The following YES1 variants were observed in gnomAD, a reference collection of about 807,000 sequenced individuals.
YES1 encodes YES proto-oncogene 1, Src family tyrosine kinase.
YES1 carries 39 observed loss-of-function variants against 70.4 expected under a neutral mutation model. The ratio of observed to expected loss-of-function variants is 0.55; its 90% CI spans 0.43 to 0.72. YES1 has a LOEUF of 0.72. Among genes scored for constraint, YES1 ranks in the 30% least tolerant of loss-of-function variants. YES1 has a pLI of 0.00. For synonymous variants in YES1, 198 were observed against 218.6 expected (o/e 0.91, Z 0.83); for missense variants, 495 against 644.8 (o/e 0.77, Z 2.52).
chr18:791,004 T>C (rs1012199326), intron 1 of YES1, among the ~76,000 whole-genome samples: 7 of 152,158 alleles, frequency 4.6e-5, no homozygotes, highest in African/African-American at 1.4e-4. Flanking sequence ...AATCCCAGCA[T>C]TTTGGAAGGC....
chr18:768,025 TTAAA>T (rs1237826131), intron 1 of YES1, among the ~76,000 whole-genome samples: 2 of 152,132 alleles, frequency 1.3e-5, no homozygotes, highest in Non-Finnish European at 2.9e-5. Context: ...CAAAATTGCT[TTAAA>T]TACTCTAGGG....
Position 724,621 on chromosome 18 carries a change from G to C in YES1, c.1435C>G (p.Arg479Gly), listed in dbSNP as rs757308799. 1 of 1,613,792 alleles carries C rather than the reference G, an allele frequency of 6.2e-7. No homozygotes were observed. Among genetic ancestry groups the C allele is most frequent in the Admixed American group, 1.7e-5 (1 of 60,002 alleles). The change falls in exon 12 of 12, where the codon CGT becomes GGT. Residue 479 changes from arginine (R) to glycine (G), a missense_variant. By Grantham distance (125) the Arg-to-Gly change is moderately radical (BLOSUM62 -2). This residue lies in a region of YES1 where 385 missense variants were observed against 540.9 expected (regional missense o/e 0.71). Transcript: ENST00000314574. ...CGCTCCACTTGTTCTAATACTTCAC[G>C]GTTCACCATACCTAATACACAAGAT... ...GRVPYPGMVN[R>G]EVLEQVERGY...
Position 760,052 on chromosome 18 carries a change from T to C in YES1, c.-8-3217A>G, listed in dbSNP as rs374394553. ...AAGGACGTGAACTCATCCTTTTTTA[T>C]GGCTGCATAGTATTCCATGGTGTAT... On this transcript the variant is annotated intron_variant, in intron 1 of 11. Transcript: ENST00000314574. Among the ~76,000 whole-genome samples the C allele has an allele frequency of 1.5e-4, 23 of 152,322 alleles. No individual in the cohort carries two copies. In the East Asian group the frequency reaches 3.9e-3, roughly 26 times the overall value.
chr18:755,754 T>C (rs1477611099), intron 2 of YES1, among the ~76,000 whole-genome samples: 1 of 152,184 alleles, frequency 6.6e-6, no homozygotes, highest in African/African-American at 2.4e-5. Flanking sequence ...TAAAGAAATC[T>C]GAGTCCTTGA....
intron 1 of YES1, among the ~76,000 whole-genome samples, chr18:805,304 T>C (rs764596865): frequency 1.3e-5 from 2 of 152,214 alleles, no homozygotes; most frequent in Non-Finnish European, 1.5e-5. Flanking sequence ...GTAACAGTAT[T>C]TGTGTATTTA....
At position 731,827 on chromosome 18, in the gene YES1, C is replaced by T. The variant is rs550656438; in HGVS notation, c.1423+1007G>A. Among the ~76,000 whole-genome samples, 333 of 151,848 alleles carry T rather than the reference C, an allele frequency of 2.2e-3. 2 individuals are homozygous for T. Among genetic ancestry groups the T allele is most frequent in the African/African-American group, 7.7e-3 (317 of 41,436 alleles). On this transcript the variant is annotated intron_variant, in intron 11 of 11. Transcript: ENST00000314574. ...CTAAAAATACAAAAAATTAGCTGGG[C>T]GTGGTGGCGGGTGCCTATAGTCCTA... is the stretch of plus-strand genomic sequence containing the variant.
At chr18:737,789 G>A (rs1405202803) in intron 9 of YES1, among the ~76,000 whole-genome samples, 1 of 152,154 alleles carries the variant, frequency 6.6e-6, no homozygotes, top group Non-Finnish European at 1.5e-5. Context: ...GTGCAATCGT[G>A]GCTCACTGCA....
chr18:790,285 AGAATTGCTT>A (rs1906178033), intron 1 of YES1, among the ~76,000 whole-genome samples: 1 of 152,182 alleles, frequency 6.6e-6, no homozygotes. Context: ...CTGAGGCAGG[AGAATTGCTT>A]GAACCCGAGA....
At chr18:762,013 C>G (rs546615691) in intron 1 of YES1, among the ~76,000 whole-genome samples, 2 of 152,114 alleles carry the variant, frequency 1.3e-5, no homozygotes, top group South Asian at 2.1e-4. Context: ...GTGGAGAAAC[C>G]CTGTCTCTAC....
Position 741,124 on chromosome 18 carries a change from C to T in YES1, c.1061-1313G>A, listed in dbSNP as rs548402917. Among the ~76,000 whole-genome samples, 18 of 152,312 alleles carry T rather than the reference C, an allele frequency of 1.2e-4. 1 individual carries two copies. Among genetic ancestry groups the T allele is most frequent in the South Asian group, 1.0e-3 (5 of 4,822 alleles). ...TGTTGGCCAGGCTGGGATCGAACTC[C>T]TGACCTCAAGTGATCTGCCTGCCTC... On this transcript the variant is annotated intron_variant, in intron 8 of 11. Transcript: ENST00000314574.
chr18:810,569 G>C (rs1022314192), intron 1 of YES1, among the ~76,000 whole-genome samples: 2 of 152,120 alleles, frequency 1.3e-5, no homozygotes, highest in African/African-American at 4.8e-5. Context: ...TATATTTTAA[G>C]AGCCCTTTTA....
intron 1 of YES1, among the ~76,000 whole-genome samples, chr18:804,836 C>A (rs796737426): frequency 7.2e-6 from 1 of 138,566 alleles, no homozygotes; most frequent in African/African-American, 2.7e-5. Flanking sequence ...ATCACTTGAA[C>A]CCAGGAGGCT....
rs779388719 is a variant in YES1 at position 739,820 on chromosome 18, G to A, written c.1061-9C>T. 3 of 1,602,576 alleles carry A rather than the reference G, an allele frequency of 1.9e-6. No individual in the cohort carries two copies. Among genetic ancestry groups the A allele is most frequent in the Non-Finnish European group, 2.6e-6 (3 of 1,174,460 alleles). On this transcript the variant is annotated splice_polypyrimidine_tract_variant and intron_variant, in intron 8 of 11. Transcript: ENST00000314574. ...GAAATCTAATAAGCTTCCTGTAACA[G>A]ACAGCAAGATATTCATAAAAAATAA... is the stretch of plus-strand genomic sequence containing the variant.
In YES1 at chr18:721,685, T is replaced by G. The variant is rs2079953422; in HGVS notation, c.*2739A>C. 1 of 152,124 alleles carries G rather than the reference T, an allele frequency of 6.6e-6. No homozygotes were observed. Among genetic ancestry groups the G allele is most frequent in the African/African-American group, 2.4e-5 (1 of 41,428 alleles). The allele number at this position is 152,124 out of a possible 1,614,324, so 9.4% of individuals were successfully genotyped here. On this transcript the variant is annotated 3_prime_UTR_variant, in exon 12 of 12. Coordinates refer to ENST00000314574, the MANE Select transcript of YES1 (RefSeq NM_005433.4). ...TTTTTTTCTCAATGGAAGAATAAAT[T>G]CAGAATATATCAGTTTTTAAAAAAC...
At chr18:768,768 T>C (rs1905022021) in intron 1 of YES1, among the ~76,000 whole-genome samples, 1 of 151,944 alleles carries the variant, frequency 6.6e-6, no homozygotes, top group South Asian at 2.1e-4. Flanking sequence ...AGTGGTGTGA[T>C]CTCGGCTCAC....
rs566929055 is a variant in YES1 at position 723,040 on chromosome 18, C to T, written c.*1384G>A. ...CTGGGAGGCAGAGCTTGCAGTGAGC[C>T]GAGATCGCGCCACTGCACTCCAGCC... On this transcript the variant is annotated 3_prime_UTR_variant, in exon 12 of 12. Coordinates refer to ENST00000314574, the MANE Select transcript of YES1 (RefSeq NM_005433.4). The T allele has an allele frequency of 9.2e-5, 14 of 152,170 alleles. No homozygotes were observed. In the East Asian group the frequency reaches 9.7e-4, roughly 11 times the overall value. 9.4% of individuals were successfully genotyped at this position (152,170 alleles called of 1,614,324 possible). A position where few individuals can be genotyped will look rare whatever the true frequency, so the allele number is the denominator to read the frequency against.
chr18:785,705 G>A (rs1905901414), intron 1 of YES1, among the ~76,000 whole-genome samples: 1 of 152,038 alleles, frequency 6.6e-6, no homozygotes, highest in African/African-American at 2.4e-5. Flanking sequence ...TCACCATCAT[G>A]GGAGTGGGTT....
At position 743,276 on chromosome 18, in the gene YES1, G is replaced by A. The variant is rs769766379; in HGVS notation, c.864C>T (p.Phe288=). 1.1e-5 allele frequency: 17 copies of A among 1,611,440 alleles called. No individual in the cohort carries two copies. The highest frequency in any genetic ancestry group is 5.3e-5 in the African/African-American group (4 of 74,824). The part of the protein sequence containing the change: ...RLEVKLGQGC[F]GEVWMGTWNG... ...GCTTCTTACCCATCCACACTTCGCC[G>A]AAACATCCTTGTCCTAGTTTAACCT... is the stretch of plus-strand genomic sequence containing the variant. Residue 288 remains phenylalanine (F), a synonymous_variant, in exon 7 of 12, where the codon TTC becomes TTT. Coordinates refer to ENST00000314574, the MANE Select transcript of YES1 (RefSeq NM_005433.4).
chr18:729,616 G>C (rs1003394994), intron 11 of YES1, among the ~76,000 whole-genome samples: 13 of 121,938 alleles, frequency 1.1e-4, no homozygotes, highest in African/African-American at 4.1e-4. Flanking sequence ...TATTGATTTT[G>C]AACTTTTTTT....
Sources: allele counts gnomAD v4.1 joint callset (sites outside exome capture counted in the v4.1 genomes callset), GRCh38; gene constraint gnomAD v4.1.1; regional missense constraint gnomAD v4.1.1; transcripts MANE v1.5; gene names NCBI Gene and HGNC (gene_info 2026-07-23, HGNC 2026-07-21).